Variants in DDRGK1 observed in about 807,000 individuals in gnomAD.
DDRGK1 encodes DDRGK domain containing 1, also known as DDRGK domain-containing protein 1.
Under a neutral mutation model 45.8 loss-of-function variants are expected in DDRGK1, and 38 were observed. That is an observed-to-expected ratio of 0.83 (90% CI 0.64 to 1.09). DDRGK1 has a LOEUF of 1.09. Ranked by LOEUF, DDRGK1 falls within the 50% of genes least tolerant of loss-of-function variation. The pLI is 0.00. For missense variants in DDRGK1, 403 were observed against 419.9 expected, an observed-to-expected ratio of 0.96 and a Z score of 0.35; for synonymous variants, 171 against 168.7, an observed-to-expected ratio of 1.01 and a Z score of -0.11.
intron 6 of DDRGK1, among the ~76,000 whole-genome samples, chr20:3,193,170 T>C (rs2066996460): frequency 6.6e-6 from 1 of 152,168 alleles, no homozygotes; most frequent in Non-Finnish European, 1.5e-5. Context: ...GACAGGAGAA[T>C]GGAACAAGAT....
At position 3,200,763 on chromosome 20, in the gene DDRGK1, G is replaced by A. The variant is rs183472493; in HGVS notation, c.296-309C>T. On this transcript the variant is annotated intron_variant, in intron 2 of 8. Transcript: ENST00000354488. ...GAGGCCGAGGTGGGTGGATCACAAG[G>A]TCAGGAGATTGAGACCATCCTGGCA... is the stretch of plus-strand genomic sequence containing the variant. Among the ~76,000 whole-genome samples, 11 of 152,228 alleles carry A rather than the reference G, an allele frequency of 7.2e-5. No individual in the cohort carries two copies. In the East Asian group the frequency reaches 2.1e-3, roughly 29 times the overall value.
chr20:3,199,965 T>A, intron 4 of DDRGK1, 36 bp downstream of exon 4: 1 of 1,558,902 alleles, frequency 6.4e-7, no homozygotes, highest in Non-Finnish European at 8.7e-7. Flanking sequence ...CCTTGCCTGG[T>A]CAAGGGTCAG....
At chr20:3,200,292 G>T in intron 3 of DDRGK1, 50 bp downstream of exon 3, 1 of 1,532,084 alleles carries the variant, frequency 6.5e-7, no homozygotes, top group Non-Finnish European at 8.8e-7. Flanking sequence ...AAAAAGGAAG[G>T]CAGTGCCCTT....
chr20:3,201,634 G>A (rs184751684), intron 2 of DDRGK1, among the ~76,000 whole-genome samples: 5 of 152,074 alleles, frequency 3.3e-5, no homozygotes, highest in Non-Finnish European at 7.4e-5. Flanking sequence ...CATAGGGGAG[G>A]CATTAGGAGA....
intron 5 of DDRGK1, 89 bp downstream of exon 5, chr20:3,195,142 G>A (rs1366979020): frequency 1.4e-5 from 22 of 1,598,966 alleles, no homozygotes; most frequent in Non-Finnish European, 1.8e-5. Context: ...CCTGGCCAGG[G>A]GCGTCTGGGA....
intron 6 of DDRGK1, among the ~76,000 whole-genome samples, chr20:3,193,203 T>A (rs2066996603): frequency 6.6e-6 from 1 of 152,136 alleles, no homozygotes; most frequent in Non-Finnish European, 1.5e-5. Flanking sequence ...ACACCTCTCA[T>A]AAACGATGCT....
Position 3,191,336 on chromosome 20 carries a change from C to T in DDRGK1, c.730-98G>A, listed in dbSNP as rs2066988551. On this transcript the variant is annotated intron_variant, in intron 7 of 8. Coordinates refer to ENST00000354488, the MANE Select transcript of DDRGK1 (RefSeq NM_023935.3). Reference sequence around the variant, plus strand: ...CACTACAGCCAAATCTCTTTATTTCCCTCTCATGCCACGCCCAAATGTGAC... The same window carrying T: ...CACTACAGCCAAATCTCTTTATTTCTCTCTCATGCCACGCCCAAATGTGAC... 4 of 1,344,570 alleles carry T rather than the reference C, an allele frequency of 3.0e-6. No individual in the cohort carries two copies. The South Asian group carries it at 4.8e-5, about 16-fold the overall frequency. 83.3% of individuals were successfully genotyped at this position (1,344,570 alleles called of 1,614,324 possible). A position where few individuals can be genotyped will look rare whatever the true frequency, so the allele number is the denominator to read the frequency against.
intron 8 of DDRGK1, 78 bp from the exon 9 acceptor site, chr20:3,190,897 T>C (rs939446921): frequency 3.0e-5 from 45 of 1,515,458 alleles, no homozygotes; most frequent in Admixed American, 1.6e-4. Flanking sequence ...ACCTACTCCT[T>C]CACAGCTGGC....
Position 3,202,943 on chromosome 20 carries a change from G to A in DDRGK1, c.295+270C>T, listed in dbSNP as rs547062884. ...AGTGTGCCCATAACAGGAAGGGTGC[G>A]AGGATAGAAGGGGTGAATTGAGGAA... is the stretch of plus-strand genomic sequence containing the variant. On this transcript the variant is annotated intron_variant, in intron 2 of 8. Transcript: ENST00000354488. Among the ~76,000 whole-genome samples the A allele has an allele frequency of 5.3e-4, 80 of 152,278 alleles. 2 individuals carry two copies. The South Asian group carries it at 0.015, about 28-fold the overall frequency.
At chr20:3,198,453 C>T (rs1366336406) in intron 4 of DDRGK1, among the ~76,000 whole-genome samples, 2 of 148,846 alleles carry the variant, frequency 1.3e-5, no homozygotes, top group South Asian at 2.1e-4. Context: ...GTAATCCCAG[C>T]GCTTCGGGAG....
chr20:3,203,583 C>T (rs962403180), intron 1 of DDRGK1, among the ~76,000 whole-genome samples, 167 bp from the exon 2 acceptor site: 2 of 152,260 alleles, frequency 1.3e-5, no homozygotes, highest in African/African-American at 4.8e-5. Flanking sequence ...ACCAGGCCCA[C>T]AGCTTGGTCC....
intron 6 of DDRGK1, among the ~76,000 whole-genome samples, chr20:3,192,452 G>T (rs192465202): frequency 0.026 from 3,922 of 152,304 alleles, 79 homozygotes; most frequent in Non-Finnish European, 0.041. Flanking sequence ...TAGAGGCTGT[G>T]GGGGCCCACT....
intron 7 of DDRGK1, 199 bp downstream of exon 7, chr20:3,191,566 G>GTT: frequency 1.9e-5 from 13 of 696,504 alleles, no homozygotes; most frequent in African/African-American, 3.6e-5. Context: ...TGGGGTTTGG[G>GTT]TTTTTTTTTT....
chr20:3,201,966 G>C (rs2067042074), intron 2 of DDRGK1, among the ~76,000 whole-genome samples: 2 of 148,196 alleles, frequency 1.3e-5, no homozygotes, highest in African/African-American at 5.0e-5. Flanking sequence ...CCAGCCCAGA[G>C]AGGGTTTTTT....
chr20:3,199,083 A>G (rs1455243042), intron 4 of DDRGK1, among the ~76,000 whole-genome samples: 3 of 151,590 alleles, frequency 2.0e-5, no homozygotes, highest in Non-Finnish European at 4.4e-5. Context: ...TGAGGCTGGG[A>G]GGCAGAGGTT....
chr20:3,200,936 T>C (rs924727650), intron 2 of DDRGK1, among the ~76,000 whole-genome samples: 5 of 152,040 alleles, frequency 3.3e-5, no homozygotes, highest in Admixed American at 6.6e-5. Flanking sequence ...TGGTGAAACC[T>C]CATCTCTACT....
intron 1 of DDRGK1, 131 bp downstream of exon 1, chr20:3,204,406 T>A (rs1381427271): frequency 2.3e-5 from 21 of 902,182 alleles, no homozygotes; most frequent in Non-Finnish European, 3.2e-5. Context: ...GGCACACGAC[T>A]AGCGCACGGA....
In DDRGK1 at chr20:3,194,722, A is replaced by C. The variant is rs2067002563; in HGVS notation, c.672+108T>G. 8.3e-6 allele frequency: 12 copies of C among 1,448,170 alleles called. 1 individual carries two copies. Among genetic ancestry groups the C allele is most frequent in the Non-Finnish European group, 1.1e-5 (12 of 1,044,464 alleles). 89.7% of individuals were successfully genotyped at this position (1,448,170 alleles called of 1,614,324 possible). A position where few individuals can be genotyped will look rare whatever the true frequency, so the allele number is the denominator to read the frequency against. Reference sequence around the variant, plus strand: ...TCTGCCCCTCTGGGCCCCCCTGTCCACTCCTGCATGAGCCTGAATGCCCTG... The same window carrying C: ...TCTGCCCCTCTGGGCCCCCCTGTCCCCTCCTGCATGAGCCTGAATGCCCTG... On this transcript the variant is annotated intron_variant, in intron 6 of 8. Coordinates refer to ENST00000354488, the MANE Select transcript of DDRGK1 (RefSeq NM_023935.3).
rs546235205 is a variant in DDRGK1 at position 3,202,261 on chromosome 20, GGT to G, written c.295+950_295+951del. Among the ~76,000 whole-genome samples the G allele has an allele frequency of 1.6e-4, 25 of 152,256 alleles. 1 individual carries two copies. Among genetic ancestry groups the G allele is most frequent in the African/African-American group, 5.8e-4 (24 of 41,564 alleles). ...GAGCCACCACGCCCGGCCCAGAGAG[GGT>G]TTTTTACCTTTCTGAATGCTGGTCT... On this transcript the variant is annotated intron_variant, in intron 2 of 8. Coordinates refer to ENST00000354488, the MANE Select transcript of DDRGK1 (RefSeq NM_023935.3).
Sources: gnomAD v4.1 joint callset for allele counts (sites outside exome capture counted in the v4.1 genomes callset) on GRCh38, gnomAD v4.1.1 for gene constraint, MANE v1.5 for transcripts, NCBI Gene and HGNC (gene_info 2026-07-23, HGNC 2026-07-21) for gene names.